The following TMEM164 variants were observed in gnomAD, a reference collection of about 807,000 sequenced individuals.
The protein encoded by TMEM164 is transmembrane protein 164, also known as RP13-360B22.2.
A neutral mutation model predicts 18.8 loss-of-function variants in TMEM164; 4 were observed. The ratio of observed to expected loss-of-function variants is 0.21; its 90% CI spans 0.10 to 0.49. The LOEUF is 0.49. Ranked by LOEUF, TMEM164 falls within the 20% of genes least tolerant of loss-of-function variation. TMEM164 has a pLI of 0.98. For synonymous variants in TMEM164, 86 were observed against 101.7 expected, an observed-to-expected ratio of 0.85 and a Z score of 0.93; for missense variants, 108 against 239.9, an observed-to-expected ratio of 0.45 and a Z score of 3.63.
chrX:110,111,047 G>A (rs2066283811), intron 4 of TMEM164, among the ~76,000 whole-genome samples: 1 of 112,159 alleles, frequency 8.9e-6, no homozygotes, highest in African/African-American at 3.2e-5. Context: ...GAGGGCAGGG[G>A]GCACAGCCTC....
At chrX:110,027,637 G>C (rs1404358484) in intron 2 of TMEM164, among the ~76,000 whole-genome samples, 1 of 110,417 alleles carries the variant, frequency 9.1e-6, no homozygotes, top group Non-Finnish European at 1.9e-5. Flanking sequence ...GTGTGTACCT[G>C]TAGTCCTAGC....
At chrX:110,074,975 T>G (rs1366886915) in intron 3 of TMEM164, among the ~76,000 whole-genome samples, 1 of 111,958 alleles carries the variant, frequency 8.9e-6, no homozygotes, top group African/African-American at 3.2e-5. Flanking sequence ...TTTAGAATAG[T>G]TTTTTCTAAT....
At chrX:110,055,894 T>C (rs1396370017) in intron 2 of TMEM164, among the ~76,000 whole-genome samples, 2 of 110,801 alleles carry the variant, frequency 1.8e-5, no homozygotes, top group Non-Finnish European at 3.8e-5. Context: ...TAGTGAGCAA[T>C]GATGCTGGTC....
At chrX:110,082,932 G>A (rs2065780966) in intron 3 of TMEM164, among the ~76,000 whole-genome samples, 1 of 111,526 alleles carries the variant, frequency 9.0e-6, no homozygotes. Context: ...TGATGTACAG[G>A]TGTTTCCCTT....
intron 3 of TMEM164, among the ~76,000 whole-genome samples, chrX:110,073,853 T>G (rs2065631418): frequency 9.0e-6 from 1 of 110,931 alleles, no homozygotes; most frequent in African/African-American, 3.3e-5. Flanking sequence ...CCGTTCTGAT[T>G]GGTGTGAGAT....
In TMEM164 at chrX:110,055,012, A is replaced by G. The variant is rs746663841; in HGVS notation, c.391-12335A>G. Among the ~76,000 whole-genome samples, 4 of 111,344 alleles carry G rather than the reference A, an allele frequency of 3.6e-5. No individual in the cohort carries two copies. In the East Asian group the frequency reaches 1.1e-3, roughly 32 times the overall value. Reference sequence around the variant, plus strand: ...TGAAAAGTCTCATGAGCGAGACCATATAGGCTTTGGTAGTCCATGGAAAAC... The same window carrying G: ...TGAAAAGTCTCATGAGCGAGACCATGTAGGCTTTGGTAGTCCATGGAAAAC... On this transcript the variant is annotated intron_variant, in intron 2 of 6. Transcript: ENST00000372068.
chrX:110,093,808 T>C (rs745443240), intron 3 of TMEM164, among the ~76,000 whole-genome samples: 1 of 112,318 alleles, frequency 8.9e-6, no homozygotes, highest in African/African-American at 3.2e-5. Context: ...TTTCCTGCTT[T>C]CTCTTGTGGG....
chrX:110,096,886 C>G (rs1196358120), intron 3 of TMEM164, among the ~76,000 whole-genome samples: 1 of 112,063 alleles, frequency 8.9e-6, no homozygotes, highest in Non-Finnish European at 1.9e-5. Flanking sequence ...TGCCACAAGA[C>G]AGACAGGATT....
intron 2 of TMEM164, among the ~76,000 whole-genome samples, chrX:110,012,600 C>G (rs1247242701): frequency 8.9e-6 from 1 of 112,078 alleles, no homozygotes; most frequent in East Asian, 2.8e-4. Context: ...TGGAGTTATC[C>G]ATGCCTTGCC....
intron 3 of TMEM164, among the ~76,000 whole-genome samples, chrX:110,094,591 C>T (rs1323680380): frequency 9.0e-6 from 1 of 111,627 alleles, no homozygotes; most frequent in South Asian, 3.7e-4. Context: ...TGAGATGGGT[C>T]TCCTGAATAC....
At chrX:110,107,084 A>G (rs1442903996) in intron 3 of TMEM164, among the ~76,000 whole-genome samples, 1 of 112,397 alleles carries the variant, frequency 8.9e-6, no homozygotes, top group Non-Finnish European at 1.9e-5. Context: ...TTATTAAGCC[A>G]GGGGCAGGGA....
intron 2 of TMEM164, among the ~76,000 whole-genome samples, chrX:110,053,341 C>T (rs1326871507): frequency 9.0e-6 from 1 of 111,496 alleles, no homozygotes; most frequent in Non-Finnish European, 1.9e-5. Context: ...GAATTATGTC[C>T]TGCATCACTG....
At chrX:110,009,986 CTG>C (rs1250794648) in intron 2 of TMEM164, among the ~76,000 whole-genome samples, 4 of 106,266 alleles carry the variant, frequency 3.8e-5, no homozygotes, top group African/African-American at 1.4e-4. Context: ...GAGCAAGACT[CTG>C]TCTCAAAAAA....
chrX:110,098,986 G>C (rs1174350764), intron 3 of TMEM164, among the ~76,000 whole-genome samples: 1 of 96,242 alleles, frequency 1.0e-5, no homozygotes, highest in Non-Finnish European at 2.1e-5. Flanking sequence ...TTTTAGTAGA[G>C]ACGGGGTTTC....
intron 2 of TMEM164, among the ~76,000 whole-genome samples, chrX:110,037,608 A>C (rs1331446812): frequency 8.9e-6 from 1 of 111,805 alleles, no homozygotes; most frequent in Non-Finnish European, 1.9e-5. Context: ...CAGGCCAGTC[A>C]CCTCTGCTTA....
At chrX:110,072,462 G>A (rs192105448) in intron 3 of TMEM164, among the ~76,000 whole-genome samples, 40 of 111,038 alleles carry the variant, frequency 3.6e-4, no homozygotes, top group African/African-American at 1.3e-3. Flanking sequence ...TTGGTCGTTT[G>A]TGTTTTGCTG....
At position 110,074,123 on chromosome X, in the gene TMEM164, C is replaced by T. The variant is rs112182508; in HGVS notation, c.440+6727C>T. Among the ~76,000 whole-genome samples the T allele has an allele frequency of 3.6e-3, 404 of 111,016 alleles. 1 individual carries two copies. The highest frequency in any genetic ancestry group is 0.012 in the African/African-American group (354 of 30,524). The stretch of plus-strand genomic sequence containing the variant: ...GAACTCCTGACCTCAGGTGAACTGC[C>T]CACCTCAGCCTCCCAAAGTGGGGGG... On this transcript the variant is annotated intron_variant, in intron 3 of 6. Coordinates refer to ENST00000372068, the MANE Select transcript of TMEM164 (RefSeq NM_032227.4).
At chrX:110,099,466 A>G (rs1284995370) in intron 3 of TMEM164, among the ~76,000 whole-genome samples, 1 of 112,073 alleles carries the variant, frequency 8.9e-6, no homozygotes, top group Non-Finnish European at 1.9e-5. Flanking sequence ...GTTATTTTAC[A>G]TATGAATGTC....
intron 2 of TMEM164, among the ~76,000 whole-genome samples, chrX:110,060,216 A>G (rs1284654538): frequency 9.4e-6 from 1 of 106,332 alleles, no homozygotes; most frequent in African/African-American, 3.4e-5. Flanking sequence ...GCAGTGAGCC[A>G]TGATCACACC....
Sources: gnomAD v4.1 joint callset for allele counts (sites outside exome capture counted in the v4.1 genomes callset) on GRCh38, gnomAD v4.1.1 for gene constraint, MANE v1.5 for transcripts, NCBI Gene and HGNC (gene_info 2026-07-23, HGNC 2026-07-21) for gene names.